SEMA3A: variants seen among roughly 807,000 people sequenced by gnomAD.
SEMA3A encodes semaphorin 3A.
SEMA3A carries 29 observed loss-of-function variants against 97.9 expected under a neutral mutation model. That is an observed-to-expected ratio of 0.30 (90% CI 0.22 to 0.40). SEMA3A has a LOEUF of 0.40. Ranked by LOEUF, SEMA3A falls within the 10% of genes least tolerant of loss-of-function variation. The pLI is 1.00. For missense variants in SEMA3A, 763 were observed against 951.3 expected (o/e 0.80, Z 2.60); for synonymous variants, 321 against 323.7 (o/e 0.99, Z 0.09).
chr7:83,980,602 T>TAAAAAAAAAAAAAAAA (rs1352319301), intron 14 of SEMA3A, among the ~76,000 whole-genome samples: 1 of 17,796 alleles, frequency 5.6e-5, no homozygotes, highest in Non-Finnish European at 1.0e-4. Context: ...AGACTCCATC[T>TAAAAAAAAAAAAAAAA]CAAAAAAAAA....
At chr7:84,177,747 G>C (rs1049545253) in intron 1 of SEMA3A, among the ~76,000 whole-genome samples, 1 of 152,002 alleles carries the variant, frequency 6.6e-6, no homozygotes, top group Non-Finnish European at 1.5e-5. Flanking sequence ...TTTAAGGAAA[G>C]TTTCTCTTCC....
At chr7:84,410,981 C>T (rs1804249389) in intron 1 of SEMA3A, among the ~76,000 whole-genome samples, 1 of 151,980 alleles carries the variant, frequency 6.6e-6, no homozygotes, top group African/African-American at 2.4e-5. Flanking sequence ...ACTTTTTATT[C>T]CACTCCAAAT....
Position 84,060,535 on chromosome 7 carries a change from G to A in SEMA3A, c.477C>T (p.Asn159=). The part of the protein sequence containing the change: ...HPEDNIFKLE[N]SHFENGRGKS... ...TCCCACGGCCGTTTTCAAAATGTGA[G>A]TTCTCCAGCTTAAAAATATTGTCCT... Residue 159 remains asparagine, a synonymous_variant, in exon 5 of 17, where the codon AAC becomes AAT. Transcript: ENST00000265362. 4 of 1,592,990 alleles carry A rather than the reference G, an allele frequency of 2.5e-6. No individual in the cohort carries two copies. Among genetic ancestry groups the A allele is most frequent in the Middle Eastern group, 3.3e-4 (2 of 6,020 alleles).
At chr7:84,444,364 G>A (rs1356218813) in intron 1 of SEMA3A, among the ~76,000 whole-genome samples, 5 of 152,036 alleles carry the variant, frequency 3.3e-5, no homozygotes, top group Non-Finnish European at 4.4e-5. Flanking sequence ...AGTGAAAAGT[G>A]CTCAACTTTA....
chr7:84,003,312 C>G (rs575186014), intron 11 of SEMA3A, among the ~76,000 whole-genome samples: 1 of 152,242 alleles, frequency 6.6e-6, no homozygotes, highest in East Asian at 1.9e-4. Context: ...CTCAGTGCTT[C>G]TGATCATGTC....
chr7:84,028,230 TC>T (rs1454548915), intron 6 of SEMA3A, among the ~76,000 whole-genome samples: 1 of 152,200 alleles, frequency 6.6e-6, no homozygotes, highest in Non-Finnish European at 1.5e-5. Flanking sequence ...TTGAAATTTT[TC>T]ATATCAAAAT....
chr7:84,079,893 C>T (rs1188280502), intron 4 of SEMA3A, among the ~76,000 whole-genome samples: 6 of 147,538 alleles, frequency 4.1e-5, no homozygotes, highest in East Asian at 3.9e-4. Flanking sequence ...GCTATAAAGA[C>T]ACTTGCGCAC....
chr7:84,192,601 C>T (rs947977662), intron 1 of SEMA3A, among the ~76,000 whole-genome samples: 22 of 151,834 alleles, frequency 1.4e-4, no homozygotes, highest in Non-Finnish European at 1.9e-4. Context: ...CATATGTGTA[C>T]AACAAAGGAT....
intron 6 of SEMA3A, among the ~76,000 whole-genome samples, chr7:84,043,791 G>A (rs796382185): frequency 2.6e-5 from 4 of 152,084 alleles, no homozygotes; most frequent in African/African-American, 7.2e-5. Flanking sequence ...CAGTTCTCAC[G>A]TTTAGTGCTG....
chr7:84,109,172 C>G (rs1795208055), intron 4 of SEMA3A, among the ~76,000 whole-genome samples: 1 of 152,048 alleles, frequency 6.6e-6, no homozygotes, highest in Non-Finnish European at 1.5e-5. Flanking sequence ...GGTGCTAAAA[C>G]AAATTATGTG....
chr7:84,052,241 G>A (rs1250089058), intron 5 of SEMA3A, among the ~76,000 whole-genome samples: 1 of 151,994 alleles, frequency 6.6e-6, no homozygotes, highest in African/African-American at 2.4e-5. Flanking sequence ...GAGTTAGGGA[G>A]GATTCCCTCT....
intron 4 of SEMA3A, among the ~76,000 whole-genome samples, chr7:84,081,789 A>G (rs889800384): frequency 2.6e-5 from 4 of 151,952 alleles, no homozygotes; most frequent in Admixed American, 2.0e-4. Flanking sequence ...CAAGTGTATA[A>G]ATAAATTCTA....
At chr7:84,126,899 C>T (rs6467987) in intron 3 of SEMA3A, among the ~76,000 whole-genome samples, 110,125 of 151,960 alleles carry the variant, frequency 0.72, 40,382 homozygotes, top group East Asian at 0.91. Context: ...GGGGTATCAG[C>T]ACAAAATTCT....
At chr7:84,305,937 T>C (rs1217280529) in intron 3 of SEMA3A, among the ~76,000 whole-genome samples, 2 of 151,570 alleles carry the variant, frequency 1.3e-5, no homozygotes, top group African/African-American at 4.8e-5. Context: ...TATATATACA[T>C]GTATTAATTT....
intron 1 of SEMA3A, among the ~76,000 whole-genome samples, chr7:84,169,790 G>A (rs1281758728): frequency 6.6e-6 from 1 of 151,544 alleles, no homozygotes; most frequent in African/African-American, 2.4e-5. Flanking sequence ...TAAGGCACAT[G>A]ATAAAGTCAA....
chr7:84,244,115 T>G (rs1028785134), intron 3 of SEMA3A, among the ~76,000 whole-genome samples: 3 of 152,208 alleles, frequency 2.0e-5, no homozygotes, highest in African/African-American at 7.2e-5. Flanking sequence ...TAGGTCCCCT[T>G]GGTCCAGAGC....
chr7:84,253,956 A>G (rs1463635426), intron 3 of SEMA3A, among the ~76,000 whole-genome samples: 1 of 152,222 alleles, frequency 6.6e-6, no homozygotes, highest in Admixed American at 6.5e-5. Flanking sequence ...CAAGAGCTTG[A>G]TTAACTTAGA....
chr7:84,124,592 A>AGGT (rs1314203126), intron 3 of SEMA3A, among the ~76,000 whole-genome samples: 4 of 152,180 alleles, frequency 2.6e-5, no homozygotes, highest in Non-Finnish European at 4.4e-5. Flanking sequence ...TTTGCAAATC[A>AGGT]GGTGTCAAAT....
chr7:84,351,353 C>G (rs934992722), intron 2 of SEMA3A, among the ~76,000 whole-genome samples: 1 of 152,054 alleles, frequency 6.6e-6, no homozygotes, highest in Non-Finnish European at 1.5e-5. Flanking sequence ...AACAATTTGT[C>G]TTTACCAAAT....
Sources: allele counts gnomAD v4.1 joint callset (sites outside exome capture counted in the v4.1 genomes callset), GRCh38; gene constraint gnomAD v4.1.1; transcripts MANE v1.5; gene names NCBI Gene and HGNC (gene_info 2026-07-23, HGNC 2026-07-21).